The following SEC24A variants were observed in gnomAD, a reference collection of about 807,000 sequenced individuals.
SEC24A encodes the protein protein transport protein Sec24A.
SEC24A carries 93 observed loss-of-function variants against 129.4 expected under a neutral mutation model. The observed-to-expected ratio is 0.72, with a 90% CI of 0.61 to 0.85. The LOEUF (loss-of-function observed/expected upper bound fraction) is 0.85, where lower values mean the gene tolerates loss of function less well. Ranked by LOEUF, SEC24A falls within the 40% of genes least tolerant of loss-of-function variation. The pLI is 0.00. For synonymous variants in SEC24A, 460 were observed against 467.3 expected (o/e 0.98, Z 0.20); for missense variants, 1,264 against 1,307.4 (o/e 0.97, Z 0.51).
At chr5:134,686,155 T>G (rs1431225285) in intron 9 of SEC24A, among the ~76,000 whole-genome samples, 1 of 151,742 alleles carries the variant, frequency 6.6e-6, no homozygotes, top group Non-Finnish European at 1.5e-5. Flanking sequence ...ATATTCAGAT[T>G]ACCAAATCAT....
chr5:134,706,893 G>T (rs1752175139), intron 17 of SEC24A, among the ~76,000 whole-genome samples: 1 of 152,026 alleles, frequency 6.6e-6, no homozygotes, highest in Non-Finnish European at 1.5e-5. Context: ...GTTTCACCAT[G>T]TTGGCCAGGA....
At chr5:134,654,795 C>A (rs1750184601) in intron 1 of SEC24A, among the ~76,000 whole-genome samples, 1 of 152,158 alleles carries the variant, frequency 6.6e-6, no homozygotes, top group East Asian at 1.9e-4. Flanking sequence ...TGGCTCACTG[C>A]AGCCTTAACC....
At chr5:134,664,790 T>C (rs1404918721) in intron 2 of SEC24A, among the ~76,000 whole-genome samples, 1 of 124,628 alleles carries the variant, frequency 8.0e-6, no homozygotes, top group Non-Finnish European at 1.6e-5. Context: ...ATTTTTCTTT[T>C]TCTTTTTTTT....
intron 21 of SEC24A, among the ~76,000 whole-genome samples, chr5:134,722,945 G>A (rs778501753): frequency 2.7e-4 from 41 of 152,240 alleles, no homozygotes; most frequent in Non-Finnish European, 5.0e-4. Context: ...CTTAAGCCCA[G>A]GAGTTCAAGA....
intron 12 of SEC24A, 87 bp from the exon 13 acceptor site, chr5:134,693,640 A>G (rs913214574): frequency 9.9e-6 from 15 of 1,509,208 alleles, no homozygotes; most frequent in African/African-American, 4.2e-5. Context: ...TCATGACTCA[A>G]TGTCTTGTCT....
chr5:134,715,159 G>T lies in SEC24A; in HGVS notation c.2863G>T (p.Glu955Ter), dbSNP rs558384529. ...SLYRVDNLSD[E>*]GALNISDRTI... ...GTATAGAGTTGACAATCTCTCAGATGAGGTAAGATGGATTGCTTTTTTGTG... is the reference window on the plus strand; with the variant it reads ...GTATAGAGTTGACAATCTCTCAGATTAGGTAAGATGGATTGCTTTTTTGTG... Residue 955 changes from glutamate (E) to a stop codon, truncating the protein, a stop_gained and splice_region_variant, in exon 19 of 23, where the codon GAG (glutamate) becomes TAG (stop). Coordinates refer to ENST00000398844, the MANE Select transcript of SEC24A (RefSeq NM_021982.3). LOFTEE classifies it high-confidence loss of function. The T allele has an allele frequency of 6.2e-7, 1 of 1,608,912 alleles. No individual in the cohort carries two copies. Among genetic ancestry groups the T allele is most frequent in the Non-Finnish European group, 8.5e-7 (1 of 1,178,736 alleles).
At chr5:134,649,804 A>C (rs749680501) in intron 1 of SEC24A, among the ~76,000 whole-genome samples, 5 of 152,204 alleles carry the variant, frequency 3.3e-5, no homozygotes. Flanking sequence ...CTCTGACAAG[A>C]GTCTACATGT....
chr5:134,684,480 A>G (rs1457211898), intron 9 of SEC24A, among the ~76,000 whole-genome samples: 1 of 151,768 alleles, frequency 6.6e-6, no homozygotes, highest in African/African-American at 2.4e-5. Context: ...TGGGAGGCCA[A>G]GGTGGGCGGA....
At chr5:134,714,865 T>C (rs369111754) in intron 18 of SEC24A, among the ~76,000 whole-genome samples, 159 bp from the exon 19 acceptor site, 28 of 152,222 alleles carry the variant, frequency 1.8e-4, no homozygotes, top group African/African-American at 6.5e-4. Flanking sequence ...TACAGTTTAA[T>C]AGATGTGTGT....
intron 18 of SEC24A, among the ~76,000 whole-genome samples, chr5:134,712,925 A>ATT (rs1752371336): frequency 1.7e-5 from 2 of 115,468 alleles, no homozygotes; most frequent in Non-Finnish European, 3.3e-5. Flanking sequence ...GAAATATTTA[A>ATT]ATTTTTTTTT....
At chr5:134,709,613 G>T (rs568718319) in intron 18 of SEC24A, among the ~76,000 whole-genome samples, 1 of 152,146 alleles carries the variant, frequency 6.6e-6, no homozygotes, top group Non-Finnish European at 1.5e-5. Flanking sequence ...GAGGCTGGGT[G>T]GTGGGGCAGG....
intron 15 of SEC24A, 58 bp downstream of exon 15, chr5:134,698,115 A>G: frequency 7.1e-7 from 1 of 1,405,550 alleles, no homozygotes; most frequent in South Asian, 1.3e-5. Flanking sequence ...CAGTAAATGT[A>G]CATGTTTTTA....
At chr5:134,705,117 T>A (rs1461071927) in intron 16 of SEC24A, among the ~76,000 whole-genome samples, 3 of 148,460 alleles carry the variant, frequency 2.0e-5, no homozygotes, top group South Asian at 4.2e-4. Context: ...TAATTTATTT[T>A]TTTTTAAGAG....
intron 22 of SEC24A, 25 bp downstream of exon 22, chr5:134,723,695 G>A (rs780309654): frequency 1.6e-5 from 23 of 1,408,098 alleles, no homozygotes; most frequent in Non-Finnish European, 1.0e-6. Context: ...CCATTTGCTA[G>A]TAGTAAAACA....
chr5:134,721,621 C>T (rs969789770), intron 21 of SEC24A, among the ~76,000 whole-genome samples: 2 of 151,210 alleles, frequency 1.3e-5, no homozygotes, highest in African/African-American at 2.4e-5. Flanking sequence ...CTGGTAGTCC[C>T]AGCACCTTGG....
chr5:134,677,044 T>C (rs536135265), intron 7 of SEC24A, among the ~76,000 whole-genome samples: 5 of 152,310 alleles, frequency 3.3e-5, no homozygotes, highest in South Asian at 4.1e-4. Flanking sequence ...TACCCTAGTC[T>C]CCCCGTTCTG....
chr5:134,716,829 A>G (rs1752489775), intron 19 of SEC24A, among the ~76,000 whole-genome samples: 1 of 150,492 alleles, frequency 6.6e-6, no homozygotes, highest in Non-Finnish European at 1.5e-5. Flanking sequence ...AATTTAAGAT[A>G]CTTTACATAT....
At chr5:134,651,287 A>G (rs1750040095) in intron 1 of SEC24A, among the ~76,000 whole-genome samples, 1 of 147,542 alleles carries the variant, frequency 6.8e-6, no homozygotes, top group Non-Finnish European at 1.5e-5. Flanking sequence ...TATATATATA[A>G]TGTATATATT....
chr5:134,660,510 A>G (rs1025004648), intron 1 of SEC24A, among the ~76,000 whole-genome samples: 2 of 152,044 alleles, frequency 1.3e-5, no homozygotes, highest in Non-Finnish European at 2.9e-5. Flanking sequence ...TTATTTTTTT[A>G]CAAATGTTTT....
Sources: gnomAD v4.1 joint callset for allele counts (sites outside exome capture counted in the v4.1 genomes callset) on GRCh38, gnomAD v4.1.1 for gene constraint, MANE v1.5 for transcripts, NCBI Gene and HGNC (gene_info 2026-07-23, HGNC 2026-07-21) for gene names.